Variants in TACR3 observed in about 807,000 individuals in gnomAD.
TACR3 encodes the protein tachykinin receptor 3, also known as neuromedin-K receptor.
In TACR3, 34 loss-of-function variants were observed where a neutral mutation model predicts 35.0. The observed-to-expected ratio is 0.97, with a 90% CI of 0.74 to 1.30. The LOEUF (loss-of-function observed/expected upper bound fraction) is 1.30. Among genes scored for constraint, TACR3 ranks in the 50% most tolerant of loss-of-function variants. The pLI is 0.00. For missense variants in TACR3, 558 were observed against 591.7 expected (o/e 0.94, Z 0.59); for synonymous variants, 233 against 221.1 (o/e 1.05, Z -0.48).
chr4:103,662,220 T>G (rs933640663), intron 1 of TACR3, among the ~76,000 whole-genome samples: 12 of 149,472 alleles, frequency 8.0e-5, no homozygotes, highest in African/African-American at 2.0e-4. Flanking sequence ...TGATGGTGTT[T>G]TTTTTTTTTT....
intron 3 of TACR3, among the ~76,000 whole-genome samples, chr4:103,609,502 G>C (rs975942975): frequency 6.6e-6 from 1 of 151,658 alleles, no homozygotes; most frequent in Non-Finnish European, 1.5e-5. Flanking sequence ...GATAATGGTT[G>C]TACATTATTT....
At chr4:103,625,488 G>C (rs980954909) in intron 3 of TACR3, among the ~76,000 whole-genome samples, 2 of 151,972 alleles carry the variant, frequency 1.3e-5, no homozygotes, top group African/African-American at 2.4e-5. Flanking sequence ...TGAACAAAAG[G>C]AGTAAAATAT....
At chr4:103,710,831 A>T (rs923444200) in intron 1 of TACR3, among the ~76,000 whole-genome samples, 1 of 152,230 alleles carries the variant, frequency 6.6e-6, no homozygotes, top group Admixed American at 6.5e-5. Context: ...TCCCACGGAA[A>T]TACGAACTAC....
At chr4:103,590,109 G>C in intron 4 of TACR3, 115 bp from the exon 5 acceptor site, 1 of 1,289,288 alleles carries the variant, frequency 7.8e-7, no homozygotes, top group Non-Finnish European at 1.1e-6. Context: ...TTTGAGTTTG[G>C]TTTTTAGCCA....
chr4:103,614,097 G>T (rs1724576522), intron 3 of TACR3, among the ~76,000 whole-genome samples: 1 of 152,098 alleles, frequency 6.6e-6, no homozygotes, highest in African/African-American at 2.4e-5. Context: ...GTACAATTTA[G>T]TCCTTAGCAA....
At chr4:103,678,656 A>G (rs1726224026) in intron 1 of TACR3, among the ~76,000 whole-genome samples, 1 of 152,094 alleles carries the variant, frequency 6.6e-6, no homozygotes, top group African/African-American at 2.4e-5. Context: ...TGTGACTATA[A>G]AGGTACACAA....
intron 1 of TACR3, among the ~76,000 whole-genome samples, chr4:103,693,929 T>C (rs1380376249): frequency 2.0e-5 from 3 of 152,176 alleles, no homozygotes; most frequent in Non-Finnish European, 2.9e-5. Flanking sequence ...GGATTCTAAC[T>C]TTATTTCCAA....
intron 1 of TACR3, among the ~76,000 whole-genome samples, chr4:103,665,558 A>C (rs1043483023): frequency 2.0e-5 from 3 of 152,138 alleles, no homozygotes; most frequent in Non-Finnish European, 4.4e-5. Context: ...GGATTTTGTT[A>C]TCTTTTTTGG....
In TACR3 at chr4:103,589,735, C is replaced by A. The variant is rs17033889; in HGVS notation, c.1345G>T (p.Ala449Ser). The A allele has an allele frequency of 3.0e-4, 485 of 1,613,760 alleles. No individual in the cohort carries two copies. The highest frequency in any genetic ancestry group is 3.9e-4 in the Non-Finnish European group (461 of 1,179,882). The change falls in exon 5 of 5, where the codon GCC becomes TCC. Residue 449 changes from alanine (A) to serine (S), a missense_variant. Coordinates refer to ENST00000304883, the MANE Select transcript of TACR3 (RefSeq NM_001059.3). Reference sequence around the variant, plus strand: ...GGTGAGCTTATGAAACTTGAAGTGGCGGAGGCAGATTTGGAATTCCTGCGA... The same window carrying A: ...GGTGAGCTTATGAAACTTGAAGTGGAGGAGGCAGATTTGGAATTCCTGCGA... ...CSRRNSKSAS[A>S]TSSFISSPYT... is the part of the protein sequence containing the mutation.
intron 1 of TACR3, among the ~76,000 whole-genome samples, chr4:103,684,241 T>C (rs1386978820): frequency 6.6e-6 from 1 of 152,092 alleles, no homozygotes; most frequent in African/African-American, 2.4e-5. Flanking sequence ...AAAGAATGGA[T>C]AGGCATACAG....
chr4:103,713,881 G>A (rs1380881345), intron 1 of TACR3, among the ~76,000 whole-genome samples: 1 of 152,124 alleles, frequency 6.6e-6, no homozygotes, highest in Non-Finnish European at 1.5e-5. Flanking sequence ...GAAGCCGAGA[G>A]GTGAGACTTC....
At chr4:103,717,225 T>C (rs182718878) in intron 1 of TACR3, among the ~76,000 whole-genome samples, 22 of 152,178 alleles carry the variant, frequency 1.4e-4, no homozygotes, top group Admixed American at 4.6e-4. Context: ...TCTGTATTTC[T>C]GTTTTTTTTT....
chr4:103,661,353 A>C (rs938753458), intron 1 of TACR3, among the ~76,000 whole-genome samples: 11 of 152,292 alleles, frequency 7.2e-5, no homozygotes, highest in African/African-American at 2.2e-4. Flanking sequence ...CTCACATAGC[A>C]TTTATTTCAA....
chr4:103,627,391 G>A (rs887859520), intron 3 of TACR3, among the ~76,000 whole-genome samples: 1 of 148,474 alleles, frequency 6.7e-6, no homozygotes, highest in African/African-American at 2.5e-5. Context: ...GGGCATGGTG[G>A]TGTGCACCTA....
intron 3 of TACR3, among the ~76,000 whole-genome samples, chr4:103,643,409 G>T (rs1394588597): frequency 2.7e-5 from 4 of 148,152 alleles, no homozygotes; most frequent in Non-Finnish European, 5.9e-5. Flanking sequence ...TGGCGACAGA[G>T]TGAGACATTG....
At chr4:103,620,460 C>T (rs1358276219) in intron 3 of TACR3, among the ~76,000 whole-genome samples, 1 of 152,182 alleles carries the variant, frequency 6.6e-6, no homozygotes, top group Non-Finnish European at 1.5e-5. Context: ...TTCATCACTG[C>T]ATATTCATTC....
intron 3 of TACR3, among the ~76,000 whole-genome samples, chr4:103,655,962 AT>A: frequency 6.6e-6 from 1 of 152,208 alleles, no homozygotes; most frequent in Non-Finnish European, 1.5e-5. Context: ...ACAAAAGGCA[AT>A]TTTTAAGAAG....
chr4:103,693,916 G>A (rs1722466593), intron 1 of TACR3, among the ~76,000 whole-genome samples: 1 of 152,088 alleles, frequency 6.6e-6, no homozygotes, highest in African/African-American at 2.4e-5. Context: ...TCAGTGCAAA[G>A]TAGGATTCTA....
intron 3 of TACR3, among the ~76,000 whole-genome samples, chr4:103,613,112 C>T (rs545404049): frequency 6.6e-6 from 1 of 152,090 alleles, no homozygotes; most frequent in Non-Finnish European, 1.5e-5. Context: ...GGTCAATATA[C>T]TAGTTATATT....
Sources: gnomAD v4.1 joint callset for allele counts (sites outside exome capture counted in the v4.1 genomes callset) on GRCh38, gnomAD v4.1.1 for gene constraint, MANE v1.5 for transcripts, NCBI Gene and HGNC (gene_info 2026-07-23, HGNC 2026-07-21) for gene names.